Variants in ATP9B observed in about 807,000 individuals in gnomAD.
ATP9B encodes the protein ATPase phospholipid transporting 9B, also known as probable phospholipid-transporting ATPase IIB.
ATP9B carries 110 observed loss-of-function variants against 146.1 expected under a neutral mutation model. The observed-to-expected ratio is 0.75, with a 90% confidence interval of 0.65 to 0.88. ATP9B has a LOEUF of 0.88. ATP9B is among the 40% of genes least tolerant of loss of function. ATP9B has a pLI of 0.00. For missense variants in ATP9B, 1,499 were observed against 1,496.4 expected, an observed-to-expected ratio of 1.00 and a Z score of -0.03; for synonymous variants, 604 against 569.7, an observed-to-expected ratio of 1.06 and a Z score of -0.86.
chr18:79,148,023 A>G (rs943048570), intron 6 of ATP9B, among the ~76,000 whole-genome samples: 2 of 152,236 alleles, frequency 1.3e-5, no homozygotes, highest in Admixed American at 6.5e-5. Flanking sequence ...CATTAAAAAG[A>G]CAGTTATGAA....
At chr18:79,134,182 C>T (rs1261960821) in intron 5 of ATP9B, among the ~76,000 whole-genome samples, 1 of 152,132 alleles carries the variant, frequency 6.6e-6, no homozygotes, top group Non-Finnish European at 1.5e-5. Context: ...CTCTCCTTTT[C>T]CCTCTTAGAG....
At chr18:79,256,284 T>TATATACATATAC (rs1217998447) in intron 12 of ATP9B, among the ~76,000 whole-genome samples, 2 of 122,890 alleles carry the variant, frequency 1.6e-5, no homozygotes, top group Non-Finnish European at 3.7e-5. Flanking sequence ...TATATATATA[T>TATATACATATAC]ATACATACAT....
intron 7 of ATP9B, among the ~76,000 whole-genome samples, chr18:79,171,780 C>T (rs781344287): frequency 8.5e-5 from 13 of 152,312 alleles, no homozygotes; most frequent in East Asian, 1.9e-4. Context: ...CAGCAGCCCT[C>T]ACCCTGGGTA....
chr18:79,073,091 C>T (rs2072127006), intron 1 of ATP9B, among the ~76,000 whole-genome samples: 1 of 151,110 alleles, frequency 6.6e-6, no homozygotes, highest in Admixed American at 6.6e-5. Flanking sequence ...CGGAGACGCT[C>T]CTCACTTCCT....
chr18:79,202,504 G>T (rs150039535), intron 9 of ATP9B, among the ~76,000 whole-genome samples: 1 of 152,158 alleles, frequency 6.6e-6, no homozygotes, highest in Non-Finnish European at 1.5e-5. Flanking sequence ...TGTTTGTTAA[G>T]TAGGGTATGC....
intron 23 of ATP9B, among the ~76,000 whole-genome samples, chr18:79,346,044 G>A (rs547046112): frequency 4.9e-5 from 7 of 143,448 alleles, no homozygotes; most frequent in African/African-American, 1.6e-4. Flanking sequence ...GCACACACTC[G>A]GTACACGCTC....
intron 8 of ATP9B, among the ~76,000 whole-genome samples, chr18:79,192,068 A>G (rs1006774667): frequency 6.6e-6 from 1 of 152,048 alleles, no homozygotes; most frequent in Non-Finnish European, 1.5e-5. Context: ...TTTAGTGGAT[A>G]TAGTTTAGGG....
intron 26 of ATP9B, among the ~76,000 whole-genome samples, chr18:79,369,221 A>G (rs1460489824): frequency 6.8e-6 from 1 of 147,294 alleles, no homozygotes; most frequent in East Asian, 2.0e-4. Context: ...ACACCGTAAA[A>G]CCCCGTCTCT....
intron 4 of ATP9B, among the ~76,000 whole-genome samples, chr18:79,120,276 G>T (rs1397190126): frequency 6.6e-6 from 1 of 152,072 alleles, no homozygotes; most frequent in Admixed American, 6.5e-5. Flanking sequence ...ATTTCTTCTA[G>T]CCAAAATCCT....
intron 5 of ATP9B, among the ~76,000 whole-genome samples, chr18:79,133,225 C>T (rs754665990): frequency 8.5e-5 from 13 of 152,138 alleles, no homozygotes; most frequent in Non-Finnish European, 1.2e-4. Context: ...TTTTTGTTTC[C>T]GTGGTCTGAC....
chr18:79,329,512 T>A (rs1042744903), intron 16 of ATP9B, among the ~76,000 whole-genome samples: 4 of 152,036 alleles, frequency 2.6e-5, no homozygotes, highest in Admixed American at 6.6e-5. Flanking sequence ...ATAATTCTCC[T>A]AAGTCAACCT....
At chr18:79,310,412 A>G (rs987220540) in intron 15 of ATP9B, among the ~76,000 whole-genome samples, 6 of 152,254 alleles carry the variant, frequency 3.9e-5, no homozygotes, top group African/African-American at 7.2e-5. Flanking sequence ...ACAGAACAGA[A>G]TAAATAAATG....
chr18:79,143,803 T>C lies in ATP9B; in HGVS notation c.669T>C (p.Gly223=). Residue 223 remains glycine (G), a splice_region_variant and synonymous_variant, in exon 6 of 30, where the codon GGT becomes GGC. Transcript: ENST00000426216. ...GACTGTACTTCTTCTTTTTTTAAGG[T>C]AAAGTGCAAGTTAAGAGTTCAGACA... ...SQLYSKLTVR[G]KVQVKSSDIQ... is the part of the protein sequence containing the mutation. The C allele has an allele frequency of 1.3e-6, 2 of 1,573,734 alleles. No individual in the cohort carries two copies. Among genetic ancestry groups the C allele is most frequent in the African/African-American group, 1.4e-5 (1 of 73,314 alleles).
Position 79,075,365 on chromosome 18 carries a change from T to TC in ATP9B, c.119+5838dup, listed in dbSNP as rs1254673686. Among the ~76,000 whole-genome samples, 6 of 152,344 alleles carry TC rather than the reference T, an allele frequency of 3.9e-5. No homozygotes were observed. In the South Asian group the frequency reaches 1.0e-3, roughly 26 times the overall value. On this transcript the variant is annotated intron_variant, in intron 1 of 29. Transcript: ENST00000426216. Reference sequence around the variant, plus strand: ...AGATGGGGTTGCACTGGACTTGAACTCCTGGGCTCAGTGATCGCCTTCTGT... The same window carrying TC: ...AGATGGGGTTGCACTGGACTTGAACTCCCTGGGCTCAGTGATCGCCTTCTGT...
At chr18:79,257,054 C>T (rs1599343133) in intron 12 of ATP9B, among the ~76,000 whole-genome samples, 1 of 152,282 alleles carries the variant, frequency 6.6e-6, no homozygotes, top group East Asian at 1.9e-4. Flanking sequence ...AATCCTAGTA[C>T]TTTCGGAGGC....
At chr18:79,193,733 C>G (rs992422437) in intron 9 of ATP9B, among the ~76,000 whole-genome samples, 3 of 152,266 alleles carry the variant, frequency 2.0e-5, no homozygotes, top group Middle Eastern at 3.4e-3. Context: ...CACCTTGCCC[C>G]TGACTAACAG....
intron 29 of ATP9B, 102 bp downstream of exon 29, chr18:79,375,528 G>C (rs1168549677): frequency 2.0e-6 from 3 of 1,529,534 alleles, no homozygotes; most frequent in Non-Finnish European, 2.7e-6. Context: ...CTCTAATTCA[G>C]TGTTCCTCAG....
chr18:79,282,227 A>G (rs1796743969), intron 13 of ATP9B, among the ~76,000 whole-genome samples: 1 of 152,226 alleles, frequency 6.6e-6, no homozygotes, highest in Non-Finnish European at 1.5e-5. Context: ...AATGTTGTTG[A>G]AGTGACAACC....
intron 1 of ATP9B, among the ~76,000 whole-genome samples, chr18:79,077,108 T>C (rs977418520): frequency 3.3e-5 from 5 of 152,258 alleles, no homozygotes; most frequent in Non-Finnish European, 5.9e-5. Flanking sequence ...CTGTGTTGTT[T>C]TGATGTTGAC....
Sources: allele counts gnomAD v4.1 joint callset (sites outside exome capture counted in the v4.1 genomes callset), GRCh38; gene constraint gnomAD v4.1.1; transcripts MANE v1.5; gene names NCBI Gene and HGNC (gene_info 2026-07-23, HGNC 2026-07-21).